Variants in TGFBR3 observed in about 807,000 individuals in gnomAD.
TGFBR3 encodes transforming growth factor beta receptor type 3.
TGFBR3 carries 46 observed loss-of-function variants against 87.9 expected under a neutral mutation model. That is an observed-to-expected ratio of 0.52 (90% confidence interval 0.41 to 0.67). The LOEUF is 0.67. Among genes scored for constraint, TGFBR3 ranks in the 30% least tolerant of loss-of-function variants. The pLI is 0.00. For missense variants in TGFBR3, 866 were observed against 1,041.9 expected (o/e 0.83, Z 2.32); for synonymous variants, 381 against 391.6 (o/e 0.97, Z 0.32).
At chr1:91,823,533 A>G (rs2799531) in intron 2 of TGFBR3, among the ~76,000 whole-genome samples, 151,368 of 152,368 alleles carry the variant, frequency 0.99, 75,191 homozygotes, top group Middle Eastern at 1. Flanking sequence ...AAAACATTCA[A>G]CATCAAAAAG....
chr1:91,832,934 G>A (rs910270743), intron 2 of TGFBR3, among the ~76,000 whole-genome samples: 1 of 151,668 alleles, frequency 6.6e-6, no homozygotes, highest in Non-Finnish European at 1.5e-5. Flanking sequence ...CTTGAACCCG[G>A]GAGGTGGAGG....
At chr1:91,718,695 G>C (rs1249679977) in intron 10 of TGFBR3, among the ~76,000 whole-genome samples, 1 of 152,152 alleles carries the variant, frequency 6.6e-6, no homozygotes, top group Non-Finnish European at 1.5e-5. Context: ...GGAAAATGCA[G>C]CTTAGCTATT....
intron 1 of TGFBR3, among the ~76,000 whole-genome samples, chr1:91,885,362 CG>C (rs35005201): frequency 1.0e-4 from 13 of 125,776 alleles, no homozygotes; most frequent in African/African-American, 2.5e-4. Context: ...TAAACCGGGG[CG>C]GGGGGGGGCC....
intron 16 of TGFBR3, among the ~76,000 whole-genome samples, chr1:91,694,364 G>C (rs1307501542): frequency 1.3e-5 from 2 of 152,218 alleles, no homozygotes; most frequent in African/African-American, 4.8e-5. Flanking sequence ...CTCTATTCAA[G>C]TCTTCTACAT....
chr1:91,818,277 C>CTTTTTTTTT lies in TGFBR3; in HGVS notation c.62-20807_62-20806insAAAAAAAAA, dbSNP rs1557726893. ...CTGCACCATTTCCCCTTAGCCCCAG[C>CTTTTTTTTT]CTTTTTTTTTTTTTTTTTTTTTTTT... On this transcript the variant is annotated intron_variant, in intron 2 of 16. Coordinates refer to ENST00000212355, the MANE Select transcript of TGFBR3 (RefSeq NM_003243.5). Among the ~76,000 whole-genome samples the CTTTTTTTTT allele has an allele frequency of 3.2e-5, 4 of 123,142 alleles. 2 individuals carry two copies. The highest frequency in any genetic ancestry group is 3.4e-5 in the Non-Finnish European group (2 of 59,522). The allele number at this position is 123,142 out of a possible 152,430, so 80.8% of individuals were successfully genotyped here.
chr1:91,707,362 C>T (rs565573815), intron 14 of TGFBR3, among the ~76,000 whole-genome samples: 1 of 152,358 alleles, frequency 6.6e-6, no homozygotes, highest in African/African-American at 2.4e-5. Flanking sequence ...TGGAATGGCA[C>T]AGCTGTTTTC....
chr1:91,720,115 T>C lies in TGFBR3; in HGVS notation c.1191A>G (p.Gln397=), dbSNP rs1672312867. Residue 397 remains glutamine, a synonymous_variant, in exon 9 of 17, where the codon CAA becomes CAG. Transcript: ENST00000212355. ...QNPPIRGGEG[Q]NGGLPFPFPD... The stretch of plus-strand genomic sequence containing the variant: ...GGAAAGGAAACGGAAGGCCTCCATT[T>C]TGGCCTTCCCCTCCCCGGATGGGCG... 1 of 1,614,008 alleles carries C rather than the reference T, an allele frequency of 6.2e-7. No individual in the cohort carries two copies. The highest frequency in any genetic ancestry group is 1.7e-5 in the Admixed American group (1 of 59,998).
At chr1:91,702,602 GAAATT>G (rs1051218862) in intron 14 of TGFBR3, among the ~76,000 whole-genome samples, 4 of 152,186 alleles carry the variant, frequency 2.6e-5, no homozygotes, top group Non-Finnish European at 2.9e-5. Context: ...ATGTATGGAT[GAAATT>G]AAATTAAATG....
chr1:91,840,317 G>T (rs1677221473), intron 2 of TGFBR3, among the ~76,000 whole-genome samples: 2 of 144,942 alleles, frequency 1.4e-5, no homozygotes, highest in Non-Finnish European at 3.0e-5. Flanking sequence ...GCAAGACTCT[G>T]TCAAAAAAAA....
chr1:91,870,100 A>G lies in TGFBR3; in HGVS notation c.-113-8456T>C, dbSNP rs559711163. 3.3e-5 allele frequency among the ~76,000 whole-genome samples: 5 copies of G among 152,374 alleles called. No homozygotes were observed. The East Asian group carries it at 9.6e-4, about 29-fold the overall frequency. On this transcript the variant is annotated intron_variant, in intron 1 of 16. Coordinates refer to ENST00000212355, the MANE Select transcript of TGFBR3 (RefSeq NM_003243.5). Reference sequence around the variant, plus strand: ...AGCTATTTTAATATATAACTTACGTAAACAAAAATTATTTAAATGCAGTAT... The same window carrying G: ...AGCTATTTTAATATATAACTTACGTGAACAAAAATTATTTAAATGCAGTAT...
intron 3 of TGFBR3, among the ~76,000 whole-genome samples, chr1:91,772,602 G>A (rs534715121): frequency 6.7e-4 from 102 of 152,278 alleles, no homozygotes; most frequent in African/African-American, 2.4e-3. Context: ...ATAGGGCCTG[G>A]TAATTCTGGT....
intron 3 of TGFBR3, among the ~76,000 whole-genome samples, chr1:91,776,162 A>G (rs960721026): frequency 1.3e-5 from 2 of 152,364 alleles, no homozygotes; most frequent in African/African-American, 2.4e-5. Flanking sequence ...CACTGGGTGC[A>G]ACATCTAAGC....
chr1:91,901,970 T>C (rs965702845), intron 1 of TGFBR3, among the ~76,000 whole-genome samples: 94 of 147,240 alleles, frequency 6.4e-4, no homozygotes, highest in African/African-American at 2.2e-3. Flanking sequence ...ATGTGTTCAC[T>C]GATACTCAAG....
intron 1 of TGFBR3, among the ~76,000 whole-genome samples, chr1:91,868,854 T>C (rs1678480860): frequency 6.6e-6 from 1 of 152,174 alleles, no homozygotes; most frequent in South Asian, 2.1e-4. Context: ...TGTGGTGGTT[T>C]AGAGCCCAGG....
In TGFBR3 at chr1:91,820,488, C is replaced by T. The variant is rs184201694; in HGVS notation, c.62-23017G>A. Among the ~76,000 whole-genome samples, 319 of 152,238 alleles carry T rather than the reference C, an allele frequency of 2.1e-3. 1 individual carries two copies. Among genetic ancestry groups the T allele is most frequent in the African/African-American group, 7.3e-3 (304 of 41,542 alleles). On this transcript the variant is annotated intron_variant, in intron 2 of 16. Transcript: ENST00000212355. ...CATGAGGTCAGGAGATCGAGACCAT[C>T]CTGGCTAACACGTTGAAACCCCGTC...
intron 16 of TGFBR3, among the ~76,000 whole-genome samples, chr1:91,694,262 G>A (rs1228347291): frequency 6.6e-6 from 1 of 152,166 alleles, no homozygotes; most frequent in Non-Finnish European, 1.5e-5. Flanking sequence ...CAAAATGCTA[G>A]GATTATGAGA....
rs778219483 is a variant in TGFBR3 at position 91,758,670 on chromosome 1, G to T, written c.327C>A (p.Pro109=). The T allele has an allele frequency of 6.2e-7, 1 of 1,613,800 alleles. No individual in the cohort carries two copies. The highest frequency in any genetic ancestry group is 1.3e-5 in the African/African-American group (1 of 75,010). Residue 109 remains proline, a synonymous_variant, in exon 4 of 17, where the codon CCC becomes CCA. Transcript: ENST00000212355. ...SVVFLLNSPH[P]LVWHLKTERL... is the part of the protein sequence containing the mutation. The stretch of plus-strand genomic sequence containing the variant: ...TCTCTGTCTTCAGATGCCACACCAG[G>T]GGGTGTGGGGAGTTGAGCAGGAACA...
intron 2 of TGFBR3, among the ~76,000 whole-genome samples, chr1:91,853,583 A>G (rs1429975641): frequency 6.6e-6 from 1 of 152,242 alleles, no homozygotes; most frequent in Non-Finnish European, 1.5e-5. Context: ...GGAATACTAT[A>G]CAGCCTTAAA....
chr1:91,873,766 G>A (rs978979490), intron 1 of TGFBR3, among the ~76,000 whole-genome samples: 3 of 152,148 alleles, frequency 2.0e-5, no homozygotes, highest in East Asian at 3.9e-4. Flanking sequence ...GGCCAACATG[G>A]TGAAACTCCG....
Sources: allele counts gnomAD v4.1 joint callset (sites outside exome capture counted in the v4.1 genomes callset), GRCh38; gene constraint gnomAD v4.1.1; transcripts MANE v1.5; gene names NCBI Gene and HGNC (gene_info 2026-07-23, HGNC 2026-07-21).